CSMD1: variants seen among roughly 807,000 people sequenced by gnomAD.
The protein encoded by CSMD1 is CUB and Sushi multiple domains 1, also known as CUB and sushi domain-containing protein 1.
Under a neutral mutation model 417.5 loss-of-function variants are expected in CSMD1, and 213 were observed. That is an observed-to-expected ratio of 0.51 (90% confidence interval 0.46 to 0.57). The LOEUF (loss-of-function observed/expected upper bound fraction) is 0.57. Ranked by LOEUF, CSMD1 falls within the 20% of genes least tolerant of loss-of-function variation. The pLI is 0.00. For synonymous variants in CSMD1, 2,862 were observed against 1,736.8 expected, an observed-to-expected ratio of 1.65 and a Z score of -16.11; for missense variants, 6,923 against 4,529.7, an observed-to-expected ratio of 1.53 and a Z score of -15.17.
chr8:3,757,741 C>A (rs191840932), intron 5 of CSMD1, among the ~76,000 whole-genome samples: 1 of 151,908 alleles, frequency 6.6e-6, no homozygotes, highest in East Asian at 2.0e-4. Context: ...CCTAGATAAT[C>A]GGGAGGCTGA....
chr8:3,227,301 T>C (rs1051802150), intron 27 of CSMD1, among the ~76,000 whole-genome samples: 25 of 120,984 alleles, frequency 2.1e-4, no homozygotes, highest in Non-Finnish European at 3.7e-4. Flanking sequence ...CTTGGGAGGC[T>C]GAGGCAGGAG....
intron 1 of CSMD1, among the ~76,000 whole-genome samples, chr8:4,947,775 G>T (rs956767285): frequency 1.3e-5 from 2 of 151,928 alleles, no homozygotes; most frequent in Non-Finnish European, 2.9e-5. Flanking sequence ...ACTTGAATTT[G>T]CATTTTTTCA....
chr8:4,865,899 G>C (rs1585233619), intron 1 of CSMD1, among the ~76,000 whole-genome samples: 2 of 151,692 alleles, frequency 1.3e-5, no homozygotes, highest in African/African-American at 4.8e-5. Flanking sequence ...AGGTTTGAAA[G>C]AAAAATCACT....
chr8:3,466,692 G>A (rs537715854), intron 12 of CSMD1, among the ~76,000 whole-genome samples: 25 of 150,506 alleles, frequency 1.7e-4, no homozygotes, highest in Admixed American at 6.0e-4. Flanking sequence ...GTCTCCCAAA[G>A]CACTATGATT....
At chr8:4,545,829 C>G (rs776866120) in intron 2 of CSMD1, among the ~76,000 whole-genome samples, 1 of 152,216 alleles carries the variant, frequency 6.6e-6, no homozygotes, top group African/African-American at 2.4e-5. Context: ...CTAGGCCACA[C>G]AGGAGACAGT....
At chr8:4,846,699 G>C (rs539920539) in intron 1 of CSMD1, among the ~76,000 whole-genome samples, 1 of 152,210 alleles carries the variant, frequency 6.6e-6, no homozygotes, top group African/African-American at 2.4e-5. Context: ...TCTTGAACTT[G>C]GTCCCATTTT....
chr8:4,201,516 T>C (rs1799644865), intron 3 of CSMD1, among the ~76,000 whole-genome samples: 1 of 106,002 alleles, frequency 9.4e-6, no homozygotes, highest in South Asian at 3.3e-4. Context: ...CCGGCCTAGG[T>C]AAGAGATCCA....
chr8:3,073,453 C>A (rs891134889), intron 49 of CSMD1, among the ~76,000 whole-genome samples: 3 of 152,138 alleles, frequency 2.0e-5, no homozygotes, highest in Non-Finnish European at 4.4e-5. Context: ...ACACTGAGAT[C>A]AACACAGATT....
At chr8:4,187,726 A>G (rs546771896) in intron 3 of CSMD1, among the ~76,000 whole-genome samples, 23 of 149,760 alleles carry the variant, frequency 1.5e-4, no homozygotes, top group African/African-American at 5.4e-4. Context: ...GTTAGTGTAC[A>G]TTAAGGCACC....
At chr8:3,994,776 A>T (rs994443157) in intron 5 of CSMD1, among the ~76,000 whole-genome samples, 10 of 152,232 alleles carry the variant, frequency 6.6e-5, no homozygotes, top group Admixed American at 6.5e-4. Flanking sequence ...CCCTGACTTA[A>T]AACATAGCTC....
At chr8:3,593,071 G>C (rs544317656) in intron 8 of CSMD1, among the ~76,000 whole-genome samples, 54 of 152,324 alleles carry the variant, frequency 3.5e-4, no homozygotes, top group African/African-American at 1.2e-3. Context: ...TGCCCAGTGA[G>C]AAGGAATGGA....
At chr8:4,247,264 A>G (rs1320187996) in intron 3 of CSMD1, among the ~76,000 whole-genome samples, 1 of 152,182 alleles carries the variant, frequency 6.6e-6, no homozygotes, top group Non-Finnish European at 1.5e-5. Flanking sequence ...ACAATGACCA[A>G]AGACAAAATC....
At chr8:3,274,551 G>T (rs945384803) in intron 26 of CSMD1, among the ~76,000 whole-genome samples, 1 of 152,100 alleles carries the variant, frequency 6.6e-6, no homozygotes, top group Non-Finnish European at 1.5e-5. Flanking sequence ...CATTATTAAT[G>T]TGTGGGAGTC....
intron 2 of CSMD1, among the ~76,000 whole-genome samples, chr8:4,463,563 A>G (rs1275960413): frequency 6.6e-6 from 1 of 152,182 alleles, no homozygotes. Flanking sequence ...ATTAAATAGG[A>G]TCCAGAAATA....
chr8:3,984,745 ATATATATTTG>A (rs1563284922), intron 5 of CSMD1, among the ~76,000 whole-genome samples: 8 of 78,530 alleles, frequency 1.0e-4, no homozygotes, highest in Admixed American at 3.6e-4. Context: ...ATATATATAT[ATATATATTTG>A]TATGTATTTG....
intron 43 of CSMD1, 128 bp downstream of exon 43, chr8:3,110,030 G>A (rs989747037): frequency 1.7e-5 from 13 of 780,650 alleles, no homozygotes; most frequent in Admixed American, 1.3e-4. Flanking sequence ...GATTTCGTTG[G>A]TGAATTTCTT....
chr8:3,612,249 A>C (rs1121620), intron 8 of CSMD1, among the ~76,000 whole-genome samples: 17,578 of 150,828 alleles, frequency 0.12, 1,759 homozygotes, highest in African/African-American at 0.26. Context: ...AGAAACAAAA[A>C]TACACAGCAA....
intron 3 of CSMD1, among the ~76,000 whole-genome samples, chr8:4,345,544 T>C (rs1253213350): frequency 3.3e-5 from 5 of 152,054 alleles, no homozygotes; most frequent in Non-Finnish European, 5.9e-5. Flanking sequence ...GGGGGAAATA[T>C]ATGCAAATCA....
intron 1 of CSMD1, among the ~76,000 whole-genome samples, chr8:4,725,964 A>G (rs1809408851): frequency 1.3e-5 from 2 of 152,272 alleles, no homozygotes; most frequent in Middle Eastern, 3.4e-3. Flanking sequence ...AGAAGTTATT[A>G]GGATTTACAG....
Sources: allele counts gnomAD v4.1 joint callset (sites outside exome capture counted in the v4.1 genomes callset), GRCh38; gene constraint gnomAD v4.1.1; transcripts MANE v1.5; gene names NCBI Gene and HGNC (gene_info 2026-07-23, HGNC 2026-07-21).